RIMS4: variants seen among roughly 807,000 people sequenced by gnomAD.
The protein encoded by RIMS4 is regulating synaptic membrane exocytosis protein 4.
A neutral mutation model predicts 29.0 loss-of-function variants in RIMS4; 9 were observed. The ratio of observed to expected loss-of-function variants is 0.31; its 90% CI spans 0.19 to 0.54. RIMS4 has a LOEUF of 0.54. Ranked by LOEUF, RIMS4 falls within the 20% of genes least tolerant of loss-of-function variation. The pLI is 0.94. For missense variants in RIMS4, 193 were observed against 365.7 expected (o/e 0.53, Z 3.85); for synonymous variants, 130 against 152.9 (o/e 0.85, Z 1.10).
chr20:44,769,950 A>T (rs2066129652), intron 2 of RIMS4, among the ~76,000 whole-genome samples: 1 of 152,210 alleles, frequency 6.6e-6, no homozygotes, highest in Admixed American at 6.5e-5. Context: ...GAAATGTTCT[A>T]TTTTCTGCAC....
chr20:44,755,909 C>T lies in RIMS4; in HGVS notation c.*225G>A. 1.9e-6 allele frequency: 1 copy of T among 526,104 alleles called. No homozygotes were observed. The highest frequency in any genetic ancestry group is 1.9e-5 in the African/African-American group (1 of 53,050). 32.6% of individuals were successfully genotyped at this position (526,104 alleles called of 1,614,324 possible). A position where few individuals can be genotyped will look rare whatever the true frequency, so the allele number is the denominator to read the frequency against. ...CCACATCCACCAGGTCAAGAACCGGCCAAGTCAAAAGTGTAGCCAATCCCG... is the reference window on the plus strand; with the variant it reads ...CCACATCCACCAGGTCAAGAACCGGTCAAGTCAAAAGTGTAGCCAATCCCG... On this transcript the variant is annotated 3_prime_UTR_variant, in exon 6 of 6. Transcript: ENST00000372851.
At chr20:44,805,297 C>A (rs932941759) in intron 1 of RIMS4, among the ~76,000 whole-genome samples, 2 of 152,000 alleles carry the variant, frequency 1.3e-5, no homozygotes, top group African/African-American at 4.8e-5. Context: ...CAGAGGGAGA[C>A]CCTGCCTCAA....
rs891228166 is a variant in RIMS4 at position 44,754,740 on chromosome 20, C to A, written c.*1394G>T. On this transcript the variant is annotated 3_prime_UTR_variant, in exon 6 of 6. Transcript: ENST00000372851. ...CTCCTCTCCACCCCCGGTCCTGGGA[C>A]TCTGTAAGGACTATGCATGAGCTAA... 1 of 152,814 alleles carries A rather than the reference C, an allele frequency of 6.5e-6. No homozygotes were observed. Among genetic ancestry groups the A allele is most frequent in the Non-Finnish European group, 1.5e-5 (1 of 68,184 alleles). 9.5% of individuals were successfully genotyped at this position (152,814 alleles called of 1,614,324 possible). A position where few individuals can be genotyped will look rare whatever the true frequency, so the allele number is the denominator to read the frequency against.
chr20:44,768,107 C>G (rs2066121689), intron 2 of RIMS4, among the ~76,000 whole-genome samples: 1 of 152,236 alleles, frequency 6.6e-6, no homozygotes, highest in Non-Finnish European at 1.5e-5. Flanking sequence ...GCACCCCTTC[C>G]CCATCCCTGA....
chr20:44,795,263 C>T (rs951231949), intron 1 of RIMS4, among the ~76,000 whole-genome samples: 2 of 152,258 alleles, frequency 1.3e-5, no homozygotes, highest in African/African-American at 4.8e-5. Flanking sequence ...AAGAGCTGGA[C>T]TTGAATTCTG....
intron 3 of RIMS4, 83 bp from the exon 4 acceptor site, chr20:44,757,854 T>G (rs2066067464): frequency 1.6e-6 from 2 of 1,257,604 alleles, no homozygotes; most frequent in Non-Finnish European, 2.3e-6. Context: ...TACTTAGGGC[T>G]GAAACCCCCT....
intron 2 of RIMS4, among the ~76,000 whole-genome samples, chr20:44,763,042 G>A (rs1428126836): frequency 6.6e-6 from 1 of 152,184 alleles, no homozygotes. Context: ...ATGAGCACAG[G>A]GGTATAAAAG....
chr20:44,774,319 T>C (rs1393112576), intron 1 of RIMS4, among the ~76,000 whole-genome samples: 1 of 152,176 alleles, frequency 6.6e-6, no homozygotes, highest in Non-Finnish European at 1.5e-5. Context: ...AAAGTATCAT[T>C]CCTGGGTGTC....
intron 1 of RIMS4, among the ~76,000 whole-genome samples, chr20:44,785,946 T>C (rs2066206698): frequency 6.6e-6 from 1 of 152,120 alleles, no homozygotes; most frequent in South Asian, 2.1e-4. Flanking sequence ...GTGATGGGCT[T>C]CCTGCCAGAT....
At chr20:44,766,333 G>C (rs1699263659) in intron 2 of RIMS4, among the ~76,000 whole-genome samples, 1 of 152,188 alleles carries the variant, frequency 6.6e-6, no homozygotes, top group Admixed American at 6.5e-5. Context: ...GAAGGAATGA[G>C]TCAGAGGGTG....
At chr20:44,798,581 C>T (rs2066264640) in intron 1 of RIMS4, among the ~76,000 whole-genome samples, 1 of 152,248 alleles carries the variant, frequency 6.6e-6, no homozygotes, top group Admixed American at 6.5e-5. Context: ...GGTCCCCCAT[C>T]ACTCAGCTGC....
Position 44,756,853 on chromosome 20 carries a change from G to A in RIMS4, c.591+45C>T, listed in dbSNP as rs368901939. On this transcript the variant is annotated intron_variant, in intron 5 of 5. Coordinates refer to ENST00000372851, the MANE Select transcript of RIMS4 (RefSeq NM_182970.4). This position sits in a 1 kb window ranked among gnomAD's most constrained non-coding sequence, Gnocchi z 5.9. The stretch of plus-strand genomic sequence containing the variant: ...CCTCTCATTCTGGTACTGTGCATGT[G>A]TGCTCGTGCACACACACACACGTGA... The A allele has an allele frequency of 1.2e-6, 2 of 1,601,322 alleles. No homozygotes were observed.
intron 1 of RIMS4, among the ~76,000 whole-genome samples, chr20:44,775,639 T>C (rs530016185): frequency 2.7e-4 from 41 of 152,200 alleles, no homozygotes; most frequent in Non-Finnish European, 5.3e-4. Flanking sequence ...CACCATTGCG[T>C]GTCTCCTGCC....
intron 1 of RIMS4, among the ~76,000 whole-genome samples, chr20:44,802,926 C>G: frequency 6.6e-6 from 1 of 152,154 alleles, no homozygotes; most frequent in East Asian, 1.9e-4. Flanking sequence ...CACAGTTATT[C>G]CCTCTGCCTG....
chr20:44,773,492 C>A (rs371353414), intron 1 of RIMS4, among the ~76,000 whole-genome samples: 13 of 151,582 alleles, frequency 8.6e-5, no homozygotes, highest in African/African-American at 3.2e-4. Context: ...GAACAAACAC[C>A]CCCCCCACAC....
chr20:44,786,109 T>A (rs938920447), intron 1 of RIMS4, among the ~76,000 whole-genome samples: 1 of 152,256 alleles, frequency 6.6e-6, no homozygotes, highest in African/African-American at 2.4e-5. Flanking sequence ...CCTGCTGCCC[T>A]ACAGCCCCCT....
chr20:44,766,709 G>T (rs1185784436), intron 2 of RIMS4, among the ~76,000 whole-genome samples: 1 of 152,194 alleles, frequency 6.6e-6, no homozygotes, highest in African/African-American at 2.4e-5. Flanking sequence ...CAGATTTCTG[G>T]TTTGGGCAGC....
chr20:44,799,365 C>T (rs982736680), intron 1 of RIMS4, among the ~76,000 whole-genome samples: 13 of 152,038 alleles, frequency 8.6e-5, no homozygotes, highest in African/African-American at 2.7e-4. Context: ...GGCCCAGCTG[C>T]CCAGTTTGGG....
At chr20:44,805,825 G>A (rs944055793) in intron 1 of RIMS4, among the ~76,000 whole-genome samples, 2 of 151,222 alleles carry the variant, frequency 1.3e-5, no homozygotes, top group African/African-American at 4.9e-5. Context: ...TGGGGGTGTG[G>A]AGAGAAATCG....
Sources: allele counts gnomAD v4.1 joint callset (sites outside exome capture counted in the v4.1 genomes callset), GRCh38; gene constraint gnomAD v4.1.1; non-coding constraint Gnocchi (gnomAD v3.1); transcripts MANE v1.5; gene names NCBI Gene and HGNC (gene_info 2026-07-23, HGNC 2026-07-21).